Variants in EPPIN observed in about 807,000 individuals in gnomAD.
EPPIN encodes the protein WAP four-disulfide core domain protein 7.
Under a neutral mutation model 18.8 loss-of-function variants are expected in EPPIN, and 14 were observed. The observed-to-expected ratio is 0.75, with a 90% CI of 0.49 to 1.17. EPPIN has a LOEUF of 1.17. EPPIN is among the 50% of genes most tolerant of loss of function. EPPIN has a pLI of 0.00. For synonymous variants in EPPIN, 57 were observed against 54.8 expected (o/e 1.04, Z -0.18); for missense variants, 143 against 154.2 (o/e 0.93, Z 0.39).
Position 45,542,698 on chromosome 20 carries a change from AC to A in EPPIN, c.391+1del, listed in dbSNP as rs1343730734. The A allele has an allele frequency of 1.2e-6, 2 of 1,613,182 alleles. No individual in the cohort carries two copies. Among genetic ancestry groups the A allele is most frequent in the African/African-American group, 2.7e-5 (2 of 74,864 alleles). On this transcript the variant is annotated splice_donor_variant, in intron 3 of 3. Transcript: ENST00000354280. LOFTEE classifies it high-confidence loss of function. ...TGAAAGACCGGGGCCCCTAGGACTT[AC>A]GTTTATTCTTGCAGGTGTTCAGGCA...
Position 45,542,106 on chromosome 20 carries a change from C to A in EPPIN, c.*38G>T. ...ACAGGAACAGTACTCAGAGCATGAG[C>A]CACATTCTGGCAGTTCTTCCAGTGC... On this transcript the variant is annotated 3_prime_UTR_variant, in exon 4 of 4. Coordinates refer to ENST00000354280, the MANE Select transcript of EPPIN (RefSeq NM_020398.4). 1 of 1,613,000 alleles carries A rather than the reference C, an allele frequency of 6.2e-7. No individual in the cohort carries two copies. The highest frequency in any genetic ancestry group is 2.2e-5 in the East Asian group (1 of 44,816).
chr20:45,543,903 G>A (rs1238683652), intron 2 of EPPIN: 1 of 152,488 alleles, frequency 6.6e-6, no homozygotes, highest in Non-Finnish European at 1.5e-5. Context: ...TGCTCACAGT[G>A]ACACTCTTCT....
At position 45,547,268 on chromosome 20, in the gene EPPIN, G is replaced by T. The variant is rs1489231676; in HGVS notation, c.90C>A (p.Pro30=). The T allele has an allele frequency of 1.2e-6, 2 of 1,613,830 alleles. No homozygotes were observed. The highest frequency in any genetic ancestry group is 1.7e-4 in the Middle Eastern group (1 of 6,058). The part of the protein sequence containing the change: ...QGPGLTDWLF[P]RRCPKIREEC... ...GTAAGGGCTGAGGCCAATACTTACT[G>T]GGAAATAACCAATCAGTCAGACCAG... The change falls in exon 1 of 4, where the codon CCC becomes CCA. Residue 30 remains proline (P), a splice_region_variant and synonymous_variant. Coordinates refer to ENST00000354280, the MANE Select transcript of EPPIN (RefSeq NM_020398.4).
intron 1 of EPPIN, among the ~76,000 whole-genome samples, chr20:45,546,754 A>G (rs1213459679): frequency 2.6e-5 from 4 of 152,220 alleles, no homozygotes; most frequent in Admixed American, 2.6e-4. Context: ...ACCAATGATC[A>G]TTGTTACATT....
chr20:45,547,273 A>G lies in EPPIN; in HGVS notation c.85T>C (p.Phe29Leu), dbSNP rs1217196822. The change falls in exon 1 of 4, where the codon TTT (phenylalanine) becomes CTT (leucine). Residue 29 changes from phenylalanine to leucine, a missense_variant. Physicochemically the swap from Phe to Leu is conservative, Grantham distance 22. Coordinates refer to ENST00000354280, the MANE Select transcript of EPPIN (RefSeq NM_020398.4). ...VQGPGLTDWLFPRRCPKIREE... is the reference protein window; with the variant it reads ...VQGPGLTDWLLPRRCPKIREE... ...GGCTGAGGCCAATACTTACTGGGAA[A>G]TAACCAATCAGTCAGACCAGGTCCC... The G allele has an allele frequency of 1.2e-6, 2 of 1,613,940 alleles. No homozygotes were observed. The highest frequency in any genetic ancestry group is 1.7e-6 in the Non-Finnish European group (2 of 1,179,866).
rs1361984926 is a variant in EPPIN at position 45,545,490 on chromosome 20, C to T, written c.223+149G>A. On this transcript the variant is annotated intron_variant, in intron 2 of 3. Coordinates refer to ENST00000354280, the MANE Select transcript of EPPIN (RefSeq NM_020398.4). ...CTAATGGCACACACCATATTTGGCA[C>T]AGTAATGAATCTAAATCGCAGGTCT... 3.0e-6 allele frequency: 4 copies of T among 1,352,660 alleles called. No individual in the cohort carries two copies. In the East Asian group the frequency reaches 7.0e-5, roughly 24 times the overall value. The allele number at this position is 1,352,660 out of a possible 1,614,324, so 83.8% of individuals were successfully genotyped here. A position where few individuals can be genotyped will look rare whatever the true frequency, so the allele number is the denominator to read the frequency against.
At chr20:45,544,464 G>GT in intron 2 of EPPIN, 1 of 152,084 alleles carries the variant, frequency 6.6e-6, no homozygotes, top group Non-Finnish European at 1.5e-5. Flanking sequence ...AAAAAGGCTC[G>GT]TAAAAACTGG....
In EPPIN at chr20:45,542,028, A is replaced by G; in HGVS notation, c.*116T>C. The G allele has an allele frequency of 7.3e-7, 1 of 1,376,140 alleles. No individual in the cohort carries two copies. Among genetic ancestry groups the G allele is most frequent in the South Asian group, 1.3e-5 (1 of 75,658 alleles). 85.2% of individuals were successfully genotyped at this position (1,376,140 alleles called of 1,614,324 possible). The stretch of plus-strand genomic sequence containing the variant: ...GCGTTCTGTTCTGGGAAGGGCTAAG[A>G]TCTTGGAATGCTGAGAGTGAAACTG... On this transcript the variant is annotated 3_prime_UTR_variant, in exon 4 of 4. Transcript: ENST00000354280.
intron 2 of EPPIN, chr20:45,545,259 T>C (rs1448138658): frequency 9.1e-6 from 2 of 219,646 alleles, no homozygotes; most frequent in East Asian, 1.2e-4. Flanking sequence ...GGTCACTCCA[T>C]AGCAAAAAAG....
intron 2 of EPPIN, chr20:45,545,414 T>C (rs573450682): frequency 1.7e-6 from 1 of 600,764 alleles, no homozygotes; most frequent in Admixed American, 3.4e-5. Context: ...CACCAATGAT[T>C]TGTTCTGGGA....
At chr20:45,542,463 C>A in intron 3 of EPPIN, 2 of 649,776 alleles carry the variant, frequency 3.1e-6, no homozygotes, top group South Asian at 4.2e-5. Context: ...CCTCCTAATT[C>A]CCCTCATACT....
At chr20:45,542,619 G>A in intron 3 of EPPIN, 81 bp downstream of exon 3, 1 of 1,544,264 alleles carries the variant, frequency 6.5e-7, no homozygotes, top group Non-Finnish European at 8.7e-7. Context: ...AGATGTAGCT[G>A]TCCTGGAATG....
intron 2 of EPPIN, chr20:45,543,289 C>G (rs6094162): frequency 0.048 from 7,523 of 155,958 alleles, 418 homozygotes; most frequent in African/African-American, 0.12. Context: ...CAGGGGAGAG[C>G]AATGGAACAT....
At chr20:45,544,293 C>A (rs1979728047) in intron 2 of EPPIN, 1 of 152,164 alleles carries the variant, frequency 6.6e-6, no homozygotes, top group Admixed American at 6.5e-5. Context: ...CCAAGAATTA[C>A]AAATAAGCGA....
chr20:45,545,460 C>T, intron 2 of EPPIN, 179 bp downstream of exon 2: 3 of 1,010,254 alleles, frequency 3.0e-6, no homozygotes, highest in South Asian at 1.7e-5. Flanking sequence ...AGGATAAGGT[C>T]ATTCCTAATG....
intron 1 of EPPIN, 114 bp downstream of exon 1, chr20:45,547,153 C>A: frequency 6.8e-7 from 1 of 1,462,720 alleles, no homozygotes; most frequent in Non-Finnish European, 9.2e-7. Flanking sequence ...CTCTCCCAAC[C>A]CGGGACCTGG....
chr20:45,545,609 G>A (rs779401161), intron 2 of EPPIN, 30 bp downstream of exon 2: 2 of 1,613,528 alleles, frequency 1.2e-6, no homozygotes, highest in African/African-American at 1.3e-5. Context: ...GGGGAGGAGG[G>A]GTTGGTTATT....
Position 45,545,625 on chromosome 20 carries a change from G to C in EPPIN, c.223+14C>G. The C allele has an allele frequency of 6.2e-7, 1 of 1,613,900 alleles. No homozygotes were observed. Among genetic ancestry groups the C allele is most frequent in the African/African-American group, 1.3e-5 (1 of 75,004 alleles). On this transcript the variant is annotated intron_variant, in intron 2 of 3. Coordinates refer to ENST00000354280, the MANE Select transcript of EPPIN (RefSeq NM_020398.4). The stretch of plus-strand genomic sequence containing the variant: ...GGGAGGAGGGGTTGGTTATTCTGCA[G>C]CTCTGAATATTACCTTGTTTGAGAT...
rs947158373 is a variant in EPPIN at position 45,540,993 on chromosome 20, C to T, written c.*1151G>A. 6.6e-6 allele frequency: 1 copy of T among 152,104 alleles called. No homozygotes were observed. The allele number at this position is 152,104 out of a possible 1,614,324, so 9.4% of individuals were successfully genotyped here. ...TGTATGTTCACTGCAGCACTATTTA[C>T]AATAGCAAAAACATGGAATCAAACC... is the stretch of plus-strand genomic sequence containing the variant. On this transcript the variant is annotated 3_prime_UTR_variant, in exon 4 of 4. Transcript: ENST00000354280.
Sources: allele counts gnomAD v4.1 joint callset (sites outside exome capture counted in the v4.1 genomes callset), GRCh38; gene constraint gnomAD v4.1.1; transcripts MANE v1.5; gene names NCBI Gene and HGNC (gene_info 2026-07-23, HGNC 2026-07-21).